CPPED1: variants seen among roughly 807,000 people sequenced by gnomAD.
CPPED1 encodes the protein serine/threonine-protein phosphatase CPPED1.
CPPED1 carries 28 observed loss-of-function variants against 28.0 expected under a neutral mutation model. That is an observed-to-expected ratio of 1.00 (90% confidence interval 0.74 to 1.37). CPPED1 has a LOEUF of 1.37. CPPED1 is among the 40% of genes most tolerant of loss of function. CPPED1 has a pLI of 0.00. For missense variants in CPPED1, 504 were observed against 416.5 expected (o/e 1.21, Z -1.83); for synonymous variants, 198 against 180.2 (o/e 1.10, Z -0.79).
At chr16:12,747,995 C>A (rs1045709637) in intron 2 of CPPED1, among the ~76,000 whole-genome samples, 2 of 152,174 alleles carry the variant, frequency 1.3e-5, no homozygotes, top group African/African-American at 4.8e-5. Context: ...AGAAGCCCAA[C>A]AACTGAAAGT....
At chr16:12,675,053 G>A (rs1222582925) in intron 3 of CPPED1, among the ~76,000 whole-genome samples, 1 of 152,194 alleles carries the variant, frequency 6.6e-6, no homozygotes, top group Admixed American at 6.5e-5. Flanking sequence ...CATGCCGACA[G>A]GCCACAAGGA....
At chr16:12,802,327 C>T (rs143086005) in intron 1 of CPPED1, among the ~76,000 whole-genome samples, 1 of 152,178 alleles carries the variant, frequency 6.6e-6, no homozygotes, top group African/African-American at 2.4e-5. Context: ...CCAGGCCGGG[C>T]GCGGTGGCTC....
At chr16:12,665,392 G>A (rs2079820138) in intron 3 of CPPED1, among the ~76,000 whole-genome samples, 1 of 152,114 alleles carries the variant, frequency 6.6e-6, no homozygotes, top group Non-Finnish European at 1.5e-5. Context: ...AAGAAAATGA[G>A]AGAAGGAAGA....
At chr16:12,678,258 A>G (rs1019163920) in intron 3 of CPPED1, among the ~76,000 whole-genome samples, 2 of 152,242 alleles carry the variant, frequency 1.3e-5, no homozygotes, top group Non-Finnish European at 2.9e-5. Context: ...AAGGTCAACT[A>G]TTCTATAAGT....
At chr16:12,707,770 G>C (rs2080059149) in intron 2 of CPPED1, among the ~76,000 whole-genome samples, 1 of 152,080 alleles carries the variant, frequency 6.6e-6, no homozygotes, top group Admixed American at 6.6e-5. Flanking sequence ...GAGGGATGCT[G>C]CTTTTGGGGA....
chr16:12,749,958 C>T (rs2080316831), intron 2 of CPPED1, among the ~76,000 whole-genome samples: 1 of 152,116 alleles, frequency 6.6e-6, no homozygotes, highest in Non-Finnish European at 1.5e-5. Context: ...GTTTACTTTG[C>T]CCAGATCCAT....
intron 2 of CPPED1, chr16:12,720,288 C>G (rs2080132289): frequency 6.5e-6 from 1 of 154,336 alleles, no homozygotes; most frequent in Non-Finnish European, 1.5e-5. Flanking sequence ...CCTAAAAATA[C>G]AAAAGTGTCA....
In CPPED1 at chr16:12,664,702, T is replaced by G; in HGVS notation, c.*184A>C. The G allele has an allele frequency of 6.9e-7, 1 of 1,439,414 alleles. No homozygotes were observed. Among genetic ancestry groups the G allele is most frequent in the Non-Finnish European group, 9.0e-7 (1 of 1,107,994 alleles). 89.2% of individuals were successfully genotyped at this position (1,439,414 alleles called of 1,614,324 possible). On this transcript the variant is annotated 3_prime_UTR_variant, in exon 4 of 4. Transcript: ENST00000381774. This position sits in a 1 kb window ranked among gnomAD's most constrained non-coding sequence, Gnocchi z 4.2. ...ATCATTCGCTCCATTTTAAAGGAAA[T>G]GCAGTTCTATTTTGAATATAATTCA...
intron 2 of CPPED1, among the ~76,000 whole-genome samples, chr16:12,717,721 A>T (rs1047094279): frequency 6.6e-6 from 1 of 152,032 alleles, no homozygotes; most frequent in East Asian, 1.9e-4. Context: ...GGCTCCCTAC[A>T]ACCTCCACCT....
At chr16:12,781,859 C>T (rs777151191) in intron 1 of CPPED1, among the ~76,000 whole-genome samples, 4 of 152,110 alleles carry the variant, frequency 2.6e-5, no homozygotes, top group Admixed American at 6.5e-5. Flanking sequence ...TCCACCGTTT[C>T]GGGGGATGTG....
chr16:12,672,634 T>G (rs193194475), intron 3 of CPPED1, among the ~76,000 whole-genome samples: 147 of 152,330 alleles, frequency 9.7e-4, no homozygotes, highest in Non-Finnish European at 1.3e-3. Flanking sequence ...GACATTAAAC[T>G]GCTTATAGTG....
At chr16:12,776,101 T>C (rs1016127321) in intron 2 of CPPED1, among the ~76,000 whole-genome samples, 3 of 152,152 alleles carry the variant, frequency 2.0e-5, no homozygotes, top group African/African-American at 4.8e-5. Context: ...GGACCTAATA[T>C]AATCACCAGG....
At chr16:12,673,347 C>G (rs2079862279) in intron 3 of CPPED1, among the ~76,000 whole-genome samples, 1 of 152,192 alleles carries the variant, frequency 6.6e-6, no homozygotes, top group African/African-American at 2.4e-5. Flanking sequence ...ACAGAAAGCA[C>G]TTAGCATTAT....
At chr16:12,733,934 T>A (rs2080212571) in intron 2 of CPPED1, among the ~76,000 whole-genome samples, 1 of 152,022 alleles carries the variant, frequency 6.6e-6, no homozygotes, top group Non-Finnish European at 1.5e-5. Context: ...AATCATAACC[T>A]CGTTTTTGCT....
intron 3 of CPPED1, among the ~76,000 whole-genome samples, chr16:12,697,028 T>A (rs1377693041): frequency 1.3e-5 from 2 of 152,138 alleles, no homozygotes; most frequent in Non-Finnish European, 1.5e-5. Flanking sequence ...TCTTTATTTT[T>A]ATTTTTTATT....
At position 12,781,194 on chromosome 16, in the gene CPPED1, C is replaced by T. The variant is rs761272120; in HGVS notation, c.280G>A (p.Ala94Thr). The stretch of plus-strand genomic sequence containing the variant: ...ATGACCCGAGTCTTACCTGGCATGG[C>T]GTGGATGAGGTCGCCGCACAGAACG... ...FFVLCGDLIH[A>T]MPGKPWRTEQ... is the part of the protein sequence containing the mutation. Residue 94 changes from alanine to threonine, a missense_variant, in exon 2 of 4, where the codon GCC (alanine) becomes ACC (threonine). Physicochemically the swap from Ala to Thr is moderately conservative, Grantham distance 58. Transcript: ENST00000381774. The T allele has an allele frequency of 2.3e-5, 37 of 1,612,226 alleles. No homozygotes were observed. Among genetic ancestry groups the T allele is most frequent in the East Asian group, 2.0e-4 (9 of 44,802 alleles).
chr16:12,695,325 T>C (rs2079984261), intron 3 of CPPED1, among the ~76,000 whole-genome samples: 1 of 152,170 alleles, frequency 6.6e-6, no homozygotes, highest in Non-Finnish European at 1.5e-5. Flanking sequence ...AGTACAGTGG[T>C]GCAATCACAG....
At position 12,786,784 on chromosome 16, in the gene CPPED1, T is replaced by C. The variant is rs1596485279; in HGVS notation, c.71-5381A>G. On this transcript the variant is annotated intron_variant, in intron 1 of 3. Transcript: ENST00000381774. ...AAACACAAAAATTAGTCAGGCATGG[T>C]GGCATGCGCCTGTAGTCCCAGCTAC... 2.0e-5 allele frequency among the ~76,000 whole-genome samples: 3 copies of C among 152,282 alleles called. No individual in the cohort carries two copies. In the East Asian group the frequency reaches 5.8e-4, roughly 29 times the overall value.
chr16:12,683,660 C>T (rs765411564), intron 3 of CPPED1, among the ~76,000 whole-genome samples: 30 of 152,164 alleles, frequency 2.0e-4, no homozygotes, highest in Admixed American at 3.3e-4. Flanking sequence ...TCCCTTCCTC[C>T]GCCTGGTCCA....
Sources: gnomAD v4.1 joint callset for allele counts (sites outside exome capture counted in the v4.1 genomes callset) on GRCh38, gnomAD v4.1.1 for gene constraint, Gnocchi (gnomAD v3.1) non-coding constraint, MANE v1.5 for transcripts, NCBI Gene and HGNC (gene_info 2026-07-23, HGNC 2026-07-21) for gene names.